Variants in SCN9A observed in about 807,000 individuals in gnomAD.
SCN9A encodes sodium channel protein type 9 subunit alpha.
Under a neutral mutation model 187.0 loss-of-function variants are expected in SCN9A, and 131 were observed. The ratio of observed to expected loss-of-function variants is 0.70; its 90% CI spans 0.61 to 0.81. The LOEUF (loss-of-function observed/expected upper bound fraction) is 0.81, where lower values mean the gene tolerates loss of function less well. Ranked by LOEUF, SCN9A falls within the 30% of genes least tolerant of loss-of-function variation. The probability of loss-of-function intolerance (pLI) is 0.00; values close to 1 mark genes in which losing one functional copy is unlikely to be tolerated. For synonymous variants in SCN9A, 809 were observed against 808.6 expected, an observed-to-expected ratio of 1.00 and a Z score of -0.01; for missense variants, 2,252 against 2,396.6, an observed-to-expected ratio of 0.94 and a Z score of 1.26.
rs1010892166 is a variant in SCN9A, at chr2:166,197,348, C to A, written c.*1324G>T. On this transcript the variant is annotated 3_prime_UTR_variant, in exon 27 of 27. Transcript: ENST00000642356. ...AATATGTGCTTGATAAATTAGAAGC[C>A]CATGGTACTGTGTTGATTGAGGCAA... The A allele has an allele frequency of 6.6e-6, 1 of 151,964 alleles. No individual in the cohort carries two copies. 9.4% of individuals were successfully genotyped at this position (151,964 alleles called of 1,614,324 possible). A position where few individuals can be genotyped will look rare whatever the true frequency, so the allele number is the denominator to read the frequency against.
At chr2:166,268,309 A>C in intron 17 of SCN9A, among the ~76,000 whole-genome samples, 1 of 152,052 alleles carries the variant, frequency 6.6e-6, no homozygotes, top group East Asian at 1.9e-4. Context: ...GTAGTGGCTA[A>C]GACTTAATGA....
At chr2:166,364,193 G>A (rs560277925) in intron 1 of SCN9A, among the ~76,000 whole-genome samples, 105 of 151,444 alleles carry the variant, frequency 6.9e-4, no homozygotes, top group Admixed American at 1.4e-3. Context: ...ACATTGACAA[G>A]GGTGTGGAGA....
chr2:166,209,349 G>A (rs926681310), intron 24 of SCN9A, among the ~76,000 whole-genome samples: 2 of 152,082 alleles, frequency 1.3e-5, no homozygotes, highest in South Asian at 2.1e-4. Flanking sequence ...TTTATAAATT[G>A]CCTAAAAAAG....
chr2:166,296,616 G>T (rs1263351071), intron 7 of SCN9A, among the ~76,000 whole-genome samples: 8 of 152,092 alleles, frequency 5.3e-5, no homozygotes, highest in Non-Finnish European at 1.0e-4. Flanking sequence ...CAACCACTGA[G>T]GAGCTGAATT....
At chr2:166,276,455 CTTT>C (rs1167172932) in intron 16 of SCN9A, 1 of 152,134 alleles carries the variant, frequency 6.6e-6, no homozygotes, top group Non-Finnish European at 1.5e-5. Flanking sequence ...ATTTATTCTT[CTTT>C]TGATTATTTT....
chr2:166,247,325 A>G (rs1317556776), intron 18 of SCN9A, among the ~76,000 whole-genome samples: 2 of 152,042 alleles, frequency 1.3e-5, no homozygotes, highest in African/African-American at 2.4e-5. Context: ...AAATATAACT[A>G]AAACAAATAT....
intron 21 of SCN9A, among the ~76,000 whole-genome samples, chr2:166,231,890 G>C (rs568843234): frequency 6.6e-6 from 1 of 152,242 alleles, no homozygotes; most frequent in Admixed American, 6.5e-5. Flanking sequence ...GTGTTAAATT[G>C]CTCAGAGAAG....
At chr2:166,364,556 T>C (rs1002970944) in intron 1 of SCN9A, among the ~76,000 whole-genome samples, 2 of 152,306 alleles carry the variant, frequency 1.3e-5, no homozygotes, top group Admixed American at 6.5e-5. Flanking sequence ...GAAAACATTA[T>C]GCTAAGTGAA....
intron 1 of SCN9A, 37 bp from the exon 2 acceptor site, chr2:166,311,843 G>T (rs1381937119): frequency 1.5e-6 from 2 of 1,339,140 alleles, no homozygotes; most frequent in Non-Finnish European, 2.0e-6. Flanking sequence ...TTAACTATTT[G>T]CCTGCCAAGA....
At chr2:166,204,750 C>A (rs1386187987) in intron 24 of SCN9A, 2 of 181,328 alleles carry the variant, frequency 1.1e-5, no homozygotes, top group African/African-American at 4.7e-5. Context: ...AAACTATGTA[C>A]TTTTATCTTT....
intron 20 of SCN9A, among the ~76,000 whole-genome samples, chr2:166,234,229 CA>C (rs1330405018): frequency 2.0e-5 from 3 of 152,134 alleles, no homozygotes; most frequent in Non-Finnish European, 2.9e-5. Flanking sequence ...ATTTTAGTTA[CA>C]AAGCAATGAG....
In SCN9A at chr2:166,195,459, G is replaced by A. The variant is rs931075076; in HGVS notation, c.*3213C>T. 1.3e-5 allele frequency: 2 copies of A among 152,038 alleles called. No homozygotes were observed. Among genetic ancestry groups the A allele is most frequent in the African/African-American group, 4.8e-5 (2 of 41,398 alleles). The allele number at this position is 152,038 out of a possible 1,614,324, so 9.4% of individuals were successfully genotyped here. On this transcript the variant is annotated 3_prime_UTR_variant, in exon 27 of 27. Transcript: ENST00000642356. Reference sequence around the variant, plus strand: ...AAAAATTGGTGGCCTTCATACATAGGTCCTAAACCCAGGCCAATTCCCTGG... The same window carrying A: ...AAAAATTGGTGGCCTTCATACATAGATCCTAAACCCAGGCCAATTCCCTGG...
chr2:166,219,251 T>C (rs1694475109), intron 24 of SCN9A, among the ~76,000 whole-genome samples: 1 of 152,144 alleles, frequency 6.6e-6, no homozygotes, highest in South Asian at 2.1e-4. Context: ...TTTTCTATTA[T>C]AAAGACACAT....
intron 1 of SCN9A, among the ~76,000 whole-genome samples, chr2:166,342,277 A>T (rs902719637): frequency 7.9e-5 from 12 of 152,236 alleles, no homozygotes; most frequent in Admixed American, 2.0e-4. Context: ...GACTTCAATC[A>T]GTAATAGAAC....
intron 1 of SCN9A, among the ~76,000 whole-genome samples, chr2:166,350,812 A>T (rs1700016267): frequency 6.6e-6 from 1 of 152,238 alleles, no homozygotes; most frequent in Admixed American, 6.5e-5. Flanking sequence ...GTATTACATC[A>T]GCGGCTTAGT....
At chr2:166,354,795 C>T (rs1700114230) in intron 1 of SCN9A, among the ~76,000 whole-genome samples, 1 of 152,076 alleles carries the variant, frequency 6.6e-6, no homozygotes, top group African/African-American at 2.4e-5. Flanking sequence ...ATCCAAGACA[C>T]ATTTATTTGC....
chr2:166,227,773 A>G, intron 22 of SCN9A, 50 bp from the exon 23 acceptor site: 1 of 924,828 alleles, frequency 1.1e-6, no homozygotes. Context: ...ATATTCTAAA[A>G]TAGCCATAAA....
chr2:166,368,644 T>C (rs1432392917), intron 1 of SCN9A, among the ~76,000 whole-genome samples: 1 of 121,856 alleles, frequency 8.2e-6, no homozygotes, highest in African/African-American at 3.3e-5. Context: ...TTTACCTATG[T>C]AAAAAACCTG....
chr2:166,292,826 T>A (rs73969661), intron 9 of SCN9A, among the ~76,000 whole-genome samples: 147 of 152,228 alleles, frequency 9.7e-4, no homozygotes, highest in African/African-American at 3.4e-3. Flanking sequence ...TCTTTAACTT[T>A]AAATAGGAGT....
Sources: gnomAD v4.1 joint callset for allele counts (sites outside exome capture counted in the v4.1 genomes callset) on GRCh38, gnomAD v4.1.1 for gene constraint, MANE v1.5 for transcripts, NCBI Gene and HGNC (gene_info 2026-07-23, HGNC 2026-07-21) for gene names.